The following NOXRED1 variants were observed in gnomAD, a reference collection of about 807,000 sequenced individuals.
The protein encoded by NOXRED1 is NADP-dependent oxidoreductase domain-containing protein 1.
A neutral mutation model predicts 30.4 loss-of-function variants in NOXRED1; 20 were observed. The ratio of observed to expected loss-of-function variants is 0.66; its 90% CI spans 0.46 to 0.96. The LOEUF (loss-of-function observed/expected upper bound fraction) is 0.96. NOXRED1 is among the 40% of genes least tolerant of loss of function. The pLI is 0.00. For synonymous variants in NOXRED1, 155 were observed against 168.0 expected, an observed-to-expected ratio of 0.92 and a Z score of 0.60; for missense variants, 374 against 428.0, an observed-to-expected ratio of 0.87 and a Z score of 1.11.
chr14:77,416,921 A>G (rs979022714), intron 1 of NOXRED1, among the ~76,000 whole-genome samples: 2 of 152,114 alleles, frequency 1.3e-5, no homozygotes, highest in African/African-American at 4.8e-5. Flanking sequence ...TCTTATTTTT[A>G]ACGTAGGCAT....
chr14:77,413,217 C>T (rs529791471), intron 2 of NOXRED1, among the ~76,000 whole-genome samples: 106 of 151,712 alleles, frequency 7.0e-4, no homozygotes, highest in African/African-American at 2.5e-3. Flanking sequence ...TTTCTATCAC[C>T]ATAAATGGAA....
intron 2 of NOXRED1, among the ~76,000 whole-genome samples, chr14:77,409,408 G>A (rs961489751): frequency 7.9e-5 from 12 of 152,150 alleles, no homozygotes; most frequent in African/African-American, 2.7e-4. Context: ...GCCACCTTGT[G>A]AAGAAGGTGC....
rs35292349 is a variant in NOXRED1, at chr14:77,396,248, C to CTTT, written c.906-1446_906-1444dup. On this transcript the variant is annotated intron_variant, in intron 5 of 5. Coordinates refer to ENST00000380835, the MANE Select transcript of NOXRED1 (RefSeq NM_001113475.3). ...ATCTATGTAGAAAACTCCAAGGAAT[C>CTTT]TTTTTTTTTTTTTTTTTTGAAATGG... 3.3e-3 allele frequency among the ~76,000 whole-genome samples: 434 copies of CTTT among 131,104 alleles called. 4 individuals are homozygous for CTTT. The highest frequency in any genetic ancestry group is 0.01 in the African/African-American group (361 of 34,676). 86.0% of individuals were successfully genotyped at this position (131,104 alleles called of 152,430 possible). A position where few individuals can be genotyped will look rare whatever the true frequency, so the allele number is the denominator to read the frequency against.
intron 2 of NOXRED1, 26 bp downstream of exon 2, chr14:77,413,908 C>T (rs762180934): frequency 3.9e-6 from 6 of 1,525,930 alleles, no homozygotes; most frequent in Non-Finnish European, 5.3e-6. Context: ...AACCAAGCCC[C>T]CTTTCTACCA....
At chr14:77,402,452 C>A (rs531614418) in intron 5 of NOXRED1, among the ~76,000 whole-genome samples, 2 of 152,166 alleles carry the variant, frequency 1.3e-5, no homozygotes, top group South Asian at 4.2e-4. Flanking sequence ...ATGGAGAAAC[C>A]TCATCTCTAT....
intron 1 of NOXRED1, among the ~76,000 whole-genome samples, chr14:77,415,084 G>C (rs1009654964): frequency 5.9e-5 from 9 of 152,230 alleles, no homozygotes; most frequent in African/African-American, 2.2e-4. Flanking sequence ...GCTGAGGTGG[G>C]AGGATTGCTT....
intron 5 of NOXRED1, among the ~76,000 whole-genome samples, chr14:77,403,278 CAAAAT>C (rs753379314): frequency 6.6e-6 from 1 of 151,838 alleles, no homozygotes; most frequent in Non-Finnish European, 1.5e-5. Context: ...AATTTTAAAA[CAAAAT>C]AGAATGAAAC....
At chr14:77,411,489 A>C (rs945630106) in intron 2 of NOXRED1, among the ~76,000 whole-genome samples, 11 of 146,890 alleles carry the variant, frequency 7.5e-5, no homozygotes, top group East Asian at 3.9e-4. Context: ...AAAAAAAAAA[A>C]AACTTGGATA....
At chr14:77,419,054 G>A (rs1194134906) in intron 1 of NOXRED1, among the ~76,000 whole-genome samples, 1 of 150,570 alleles carries the variant, frequency 6.6e-6, no homozygotes. Context: ...GTTTATCTGG[G>A]AAGCTCTTTC....
chr14:77,423,733 T>C (rs1242605271), upstream of NOXRED1, among the ~76,000 whole-genome samples: 1 of 152,148 alleles, frequency 6.6e-6, no homozygotes. Flanking sequence ...TCTGGATTTC[T>C]AGGGGTTTTT....
rs1345429672 is a variant in NOXRED1, at chr14:77,422,791, C to T, written c.99G>A (p.Leu33=). Residue 33 remains leucine, a synonymous_variant, in exon 1 of 6, where the codon CTG becomes CTA. Transcript: ENST00000380835. ...WLYLQGRSRG[L]MIEACAHATF... ...TTGCATGGGCACAAGCCTCGATCAT[C>T]AGTCCCCGAGAACGGCCCTGCAAAT... 2.5e-6 allele frequency: 4 copies of T among 1,614,150 alleles called. No individual in the cohort carries two copies. The African/African-American group carries it at 4.0e-5, about 16-fold the overall frequency.
chr14:77,405,912 C>A lies in NOXRED1; in HGVS notation c.905+1G>T. On this transcript the variant is annotated splice_donor_variant, in intron 5 of 5. Coordinates refer to ENST00000380835, the MANE Select transcript of NOXRED1 (RefSeq NM_001113475.3). LOFTEE classifies it high-confidence loss of function. ...AATGGCCAGCTGTCCAATGCCCTTA[C>A]CTTTCCTGAGACAAATTCTTGCCAT... is the stretch of plus-strand genomic sequence containing the variant. 6.3e-7 allele frequency: 1 copy of A among 1,598,102 alleles called. No homozygotes were observed. The highest frequency in any genetic ancestry group is 8.6e-7 in the Non-Finnish European group (1 of 1,166,402).
At chr14:77,416,936 C>A (rs1206012827) in intron 1 of NOXRED1, among the ~76,000 whole-genome samples, 1 of 152,168 alleles carries the variant, frequency 6.6e-6, no homozygotes, top group Non-Finnish European at 1.5e-5. Context: ...AGGCATTTAC[C>A]CCTATAAAGT....
At chr14:77,408,448 C>T (rs965956332) in intron 2 of NOXRED1, among the ~76,000 whole-genome samples, 2 of 151,924 alleles carry the variant, frequency 1.3e-5, no homozygotes, top group Non-Finnish European at 2.9e-5. Context: ...CTCCCACCTC[C>T]GCCTCCCAAA....
Position 77,406,878 on chromosome 14 carries a change from G to A in NOXRED1, c.531-3C>T. 2.5e-6 allele frequency: 4 copies of A among 1,612,414 alleles called. No individual in the cohort carries two copies. Among genetic ancestry groups the A allele is most frequent in the Non-Finnish European group, 8.5e-7 (1 of 1,179,184 alleles). Reference sequence around the variant, plus strand: ...TGTGGTTCAACAGTAGTTTCAGCCTGGAAGTAAAGCCAAGACAGGGAGTGC... The same window carrying A: ...TGTGGTTCAACAGTAGTTTCAGCCTAGAAGTAAAGCCAAGACAGGGAGTGC... On this transcript the variant is annotated splice_region_variant and splice_polypyrimidine_tract_variant and intron_variant, in intron 3 of 5. Coordinates refer to ENST00000380835, the MANE Select transcript of NOXRED1 (RefSeq NM_001113475.3).
Position 77,415,495 on chromosome 14 carries a change from G to A in NOXRED1, c.156-1368C>T, listed in dbSNP as rs140500720. Reference sequence around the variant, plus strand: ...TGAGGCAGGAGAATCTCTTGAACCCGGGAGGTGGAGGTTGCAGTGAGCCAA... The same window carrying A: ...TGAGGCAGGAGAATCTCTTGAACCCAGGAGGTGGAGGTTGCAGTGAGCCAA... On this transcript the variant is annotated intron_variant, in intron 1 of 5. Transcript: ENST00000380835. Among the ~76,000 whole-genome samples, 916 of 152,050 alleles carry A rather than the reference G, an allele frequency of 6.0e-3. 3 individuals are homozygous for A. Among genetic ancestry groups the A allele is most frequent in the African/African-American group, 0.021 (873 of 41,434 alleles).
upstream of NOXRED1, among the ~76,000 whole-genome samples, chr14:77,425,168 T>C (rs367681757): frequency 1.6e-4 from 24 of 152,318 alleles, no homozygotes; most frequent in South Asian, 5.0e-3. Context: ...ACTCACTTTA[T>C]AATGATCTTC....
At chr14:77,398,781 C>T (rs1876323943) in intron 5 of NOXRED1, among the ~76,000 whole-genome samples, 1 of 152,004 alleles carries the variant, frequency 6.6e-6, no homozygotes, top group Non-Finnish European at 1.5e-5. Flanking sequence ...CCAGCCTGGC[C>T]AACATGGTGA....
chr14:77,406,355 C>A (rs538428098), intron 4 of NOXRED1: 2 of 598,062 alleles, frequency 3.3e-6, no homozygotes, highest in East Asian at 5.5e-5. Flanking sequence ...ACAGATACAA[C>A]TAATGTAGAC....
Sources: gnomAD v4.1 joint callset for allele counts (sites outside exome capture counted in the v4.1 genomes callset) on GRCh38, gnomAD v4.1.1 for gene constraint, MANE v1.5 for transcripts, NCBI Gene and HGNC (gene_info 2026-07-23, HGNC 2026-07-21) for gene names.